LRRC37B: variants seen among roughly 807,000 people sequenced by gnomAD.
The protein encoded by LRRC37B is leucine-rich repeat-containing protein 37B.
Under a neutral mutation model 98.3 loss-of-function variants are expected in LRRC37B, and 28 were observed. The ratio of observed to expected loss-of-function variants is 0.28; its 90% CI spans 0.21 to 0.39. The LOEUF is 0.39. Ranked by LOEUF, LRRC37B falls within the 10% of genes least tolerant of loss-of-function variation. The pLI is 1.00. For synonymous variants in LRRC37B, 364 were observed against 442.7 expected (o/e 0.82, Z 2.23); for missense variants, 938 against 1,182.7 (o/e 0.79, Z 3.03).
chr17:32,046,985 C>G (rs2142261836), intron 8 of LRRC37B, among the ~76,000 whole-genome samples: 1 of 152,090 alleles, frequency 6.6e-6, no homozygotes, highest in South Asian at 2.1e-4. Context: ...CATTTAGGAC[C>G]TCAAGTAATG....
At chr17:32,015,790 G>A (rs1910636540) in intron 1 of LRRC37B, among the ~76,000 whole-genome samples, 1 of 152,140 alleles carries the variant, frequency 6.6e-6, no homozygotes, top group Non-Finnish European at 1.5e-5. Flanking sequence ...CATGATCTGT[G>A]CTCTAAAGGA....
At chr17:32,031,826 A>T (rs1242829877) in intron 5 of LRRC37B, among the ~76,000 whole-genome samples, 1 of 151,938 alleles carries the variant, frequency 6.6e-6, no homozygotes, top group African/African-American at 2.4e-5. Flanking sequence ...CAACATAGTG[A>T]ATCCCCATCC....
At chr17:32,024,520 C>T (rs1910888667) in intron 1 of LRRC37B, 191 bp from the exon 5 acceptor site, 1 of 1,072,632 alleles carries the variant, frequency 9.3e-7, no homozygotes, top group Admixed American at 1.8e-5. Flanking sequence ...GATGCCTCAT[C>T]ATTTGTGCCA....
intron 1 of LRRC37B, among the ~76,000 whole-genome samples, chr17:32,015,452 A>ACTTCCC (rs988466372): frequency 6.6e-6 from 1 of 152,228 alleles, no homozygotes; most frequent in Non-Finnish European, 1.5e-5. Flanking sequence ...CTGGAAATGA[A>ACTTCCC]CTTCCCCCTT....
intron 7 of LRRC37B, chr17:32,041,067 C>T (rs753845884): frequency 4.1e-5 from 31 of 764,582 alleles, no homozygotes; most frequent in Non-Finnish European, 6.6e-5. Context: ...GAGTCAACTC[C>T]GGGCCCTGGC....
intron 9 of LRRC37B, chr17:32,048,841 A>G: frequency 7.2e-7 from 1 of 1,390,294 alleles, no homozygotes; most frequent in South Asian, 1.2e-5. Context: ...TTCTGGAAGT[A>G]GTTGCTCCTT....
At chr17:32,024,598 C>G (rs1190207224) in intron 1 of LRRC37B, 113 bp from the exon 5 acceptor site, 5 of 1,571,428 alleles carry the variant, frequency 3.2e-6, no homozygotes, top group Admixed American at 3.4e-5. Flanking sequence ...AATGAGAAAG[C>G]AGGTGTTATT....
chr17:32,020,415 C>T (rs1910736770), upstream of LRRC37B, among the ~76,000 whole-genome samples: 1 of 152,080 alleles, frequency 6.6e-6, no homozygotes, highest in East Asian at 1.9e-4. Context: ...AGGGTAATGG[C>T]TGTGTTGAGT....
chr17:32,033,452 C>T (rs1317557235), intron 5 of LRRC37B, among the ~76,000 whole-genome samples: 1 of 151,844 alleles, frequency 6.6e-6, no homozygotes, highest in African/African-American at 2.4e-5. Flanking sequence ...TAAAGTAAAC[C>T]TTTTTTCTTC....
exon 1 of LRRC37B, chr17:32,021,757 A>G (rs2142240886): frequency 6.2e-7 from 1 of 1,614,206 alleles, no homozygotes; most frequent in South Asian, 1.1e-5. Flanking sequence ...AGCCTTCCTG[A>G]GATTGTTGGG....
intron 7 of LRRC37B, among the ~76,000 whole-genome samples, chr17:32,039,475 TAA>T (rs1290296086): frequency 3.6e-4 from 21 of 57,714 alleles, no homozygotes; most frequent in South Asian, 6.4e-4. Flanking sequence ...AGAACCTGCC[TAA>T]AAATATATAT....
At chr17:32,043,338 G>A (rs1255233525) in intron 7 of LRRC37B, among the ~76,000 whole-genome samples, 1 of 152,020 alleles carries the variant, frequency 6.6e-6, no homozygotes, top group African/African-American at 2.4e-5. Context: ...AGGAGAGGGG[G>A]TTGCTTGAGC....
exon 1 of LRRC37B, chr17:32,021,497 A>G (rs371847622): frequency 1.9e-6 from 3 of 1,614,004 alleles, no homozygotes; most frequent in Non-Finnish European, 2.5e-6. Context: ...TCTTGGCTGC[A>G]CATCAGGACT....
chr17:32,021,772 C>A, exon 1 of LRRC37B: 1 of 1,614,188 alleles, frequency 6.2e-7, no homozygotes, highest in Non-Finnish European at 8.5e-7. Flanking sequence ...GTTGGGATTC[C>A]ACACCAATTA....
At chr17:32,035,727 T>G in intron 7 of LRRC37B, 88 bp downstream of exon 10, 1 of 1,333,974 alleles carries the variant, frequency 7.5e-7, no homozygotes, top group Non-Finnish European at 1.0e-6. Flanking sequence ...TATTGAGATT[T>G]AATTTTCATA....
At chr17:32,044,817 G>A (rs1265910582) in intron 7 of LRRC37B, among the ~76,000 whole-genome samples, 4 of 152,170 alleles carry the variant, frequency 2.6e-5, no homozygotes, top group Non-Finnish European at 5.9e-5. Flanking sequence ...TTGAGCCCAG[G>A]GGGTCGAGGC....
At chr17:32,007,903 G>C (rs780625215), upstream of LRRC37B, 51 of 799,682 alleles carry the variant, frequency 6.4e-5, no homozygotes, top group African/African-American at 8.3e-4. This position sits in a 1 kb window ranked among gnomAD's most constrained non-coding sequence, Gnocchi z 4.1. Context: ...ACCTAGCCCG[G>C]ACCACCGCAG....
chr17:32,046,643 C>T (rs1447983631), intron 8 of LRRC37B, among the ~76,000 whole-genome samples: 2 of 149,784 alleles, frequency 1.3e-5, no homozygotes, highest in African/African-American at 4.9e-5. Flanking sequence ...CCCTTCTCCC[C>T]AAGAGGTGGG....
Position 32,035,654 on chromosome 17 carries a change from C to T in LRRC37B, c.2204+15C>T. 6.3e-7 allele frequency: 1 copy of T among 1,593,106 alleles called. No homozygotes were observed. The highest frequency in any genetic ancestry group is 2.2e-5 in the East Asian group (1 of 44,616). On this transcript the variant is annotated intron_variant, in intron 7 of 11. Coordinates refer to ENST00000327564, the Ensembl canonical transcript of LRRC37B. ...CTGGAAAAACTGTAAGTTATTTTTT[C>T]TTAGATTTATTTTTACTTAGTTGGT...
Sources: allele counts gnomAD v4.1 joint callset (sites outside exome capture counted in the v4.1 genomes callset), GRCh38; gene constraint gnomAD v4.1.1; non-coding constraint Gnocchi (gnomAD v3.1); transcripts MANE v1.5; gene names NCBI Gene and HGNC (gene_info 2026-07-23, HGNC 2026-07-21).